B4GALT1: variants seen among roughly 807,000 people sequenced by gnomAD.
The protein encoded by B4GALT1 is N-acetyllactosamine synthase.
In B4GALT1, 16 loss-of-function variants were observed where a neutral mutation model predicts 34.9. That is an observed-to-expected ratio of 0.46 (90% CI 0.31 to 0.70). B4GALT1 has a LOEUF of 0.70. Ranked by LOEUF, B4GALT1 falls within the 30% of genes least tolerant of loss-of-function variation. The pLI is 0.05. For synonymous variants in B4GALT1, 221 were observed against 218.1 expected, an observed-to-expected ratio of 1.01 and a Z score of -0.12; for missense variants, 445 against 530.5, an observed-to-expected ratio of 0.84 and a Z score of 1.58.
chr9:33,105,848 C>T (rs1447288394), downstream of B4GALT1, among the ~76,000 whole-genome samples: 2 of 138,264 alleles, frequency 1.4e-5, no homozygotes, highest in Admixed American at 7.5e-5. Context: ...ATGTATATAC[C>T]GCCTTTTGTT....
intron 1 of B4GALT1, among the ~76,000 whole-genome samples, chr9:33,161,027 C>CTT (rs1192163866): frequency 6.6e-6 from 1 of 151,576 alleles, no homozygotes; most frequent in Non-Finnish European, 1.5e-5. Context: ...GTCATTCTCT[C>CTT]TCTCTCTCTC....
chr9:33,167,350 C>G (rs1840782378), upstream of B4GALT1: 1 of 767,148 alleles, frequency 1.3e-6, no homozygotes, highest in Non-Finnish European at 1.8e-6. Context: ...GAGAAGCCGC[C>G]CGAGGCGCCG....
intron 1 of B4GALT1, among the ~76,000 whole-genome samples, chr9:33,166,398 C>A (rs1305822762): frequency 6.6e-6 from 1 of 152,178 alleles, no homozygotes; most frequent in African/African-American, 2.4e-5. Context: ...GAGGTCCCTA[C>A]CAGAGTTCTC....
chr9:33,178,958 G>A, the B4GALT1 span: 1 of 152,250 alleles, frequency 6.6e-6, no homozygotes, highest in African/African-American at 2.4e-5. Flanking sequence ...GGTTGGCTAG[G>A]TTAGTCTATG....
chr9:33,175,388 A>T, the B4GALT1 span, among the ~76,000 whole-genome samples: 5 of 152,168 alleles, frequency 3.3e-5, no homozygotes. Context: ...GCATAAAATG[A>T]TAATAATGTA....
chr9:33,105,886 T>TTTTG (rs1839792841), downstream of B4GALT1, among the ~76,000 whole-genome samples: 2 of 147,068 alleles, frequency 1.4e-5, no homozygotes, highest in South Asian at 2.2e-4. Context: ...GTGGGTTTTT[T>TTTTG]TTTTTTTTTT....
chr9:33,141,130 G>A (rs1235730504), intron 1 of B4GALT1, among the ~76,000 whole-genome samples: 1 of 152,214 alleles, frequency 6.6e-6, no homozygotes, highest in African/African-American at 2.4e-5. Context: ...CATGTACCCA[G>A]TTAGTATGTA....
intron 2 of B4GALT1, among the ~76,000 whole-genome samples, chr9:33,131,998 G>C (rs978928717): frequency 6.6e-6 from 1 of 152,030 alleles, no homozygotes; most frequent in African/African-American, 2.4e-5. Context: ...ATTAGGGTGA[G>C]ATTGGAGCAG....
chr9:33,135,129 C>T (rs1175223723), intron 2 of B4GALT1, 60 bp downstream of exon 2: 12 of 1,502,990 alleles, frequency 8.0e-6, no homozygotes, highest in Non-Finnish European at 1.1e-5. Context: ...ATTACACACA[C>T]ATCTGATACA....
At chr9:33,148,577 A>T (rs1840462606) in intron 1 of B4GALT1, among the ~76,000 whole-genome samples, 1 of 152,250 alleles carries the variant, frequency 6.6e-6, no homozygotes, top group Non-Finnish European at 1.5e-5. Context: ...ACTGGGATGG[A>T]TGACAATCAT....
chr9:33,129,794 C>T (rs1164491991), intron 2 of B4GALT1, among the ~76,000 whole-genome samples: 1 of 152,036 alleles, frequency 6.6e-6, no homozygotes, highest in African/African-American at 2.4e-5. Flanking sequence ...TAAAAGATAG[C>T]CAGAGACACA....
chr9:33,108,689 T>C (rs528105133), downstream of B4GALT1: 33 of 152,296 alleles, frequency 2.2e-4, 1 homozygote, highest in African/African-American at 7.7e-4. Context: ...TGTGTGGATA[T>C]GTGTCTCAGT....
At chr9:33,145,649 C>CA (rs80288371) in intron 1 of B4GALT1, among the ~76,000 whole-genome samples, 56,623 of 152,014 alleles carry the variant, frequency 0.37, 11,185 homozygotes, top group East Asian at 0.71. Context: ...TACAGGAAGA[C>CA]AGACTTCCTC....
intron 3 of B4GALT1, among the ~76,000 whole-genome samples, chr9:33,117,367 C>T (rs901287866): frequency 1.3e-5 from 2 of 152,204 alleles, no homozygotes; most frequent in Non-Finnish European, 2.9e-5. Flanking sequence ...GGCTCTCATC[C>T]TTCCAAAACT....
At chr9:33,176,316 G>A in the B4GALT1 span, among the ~76,000 whole-genome samples, 1 of 152,150 alleles carries the variant, frequency 6.6e-6, no homozygotes, top group South Asian at 2.1e-4. Context: ...TACAATTCTT[G>A]TAGGGGAAAA....
At chr9:33,179,495 T>A in the B4GALT1 span, 1 of 152,242 alleles carries the variant, frequency 6.6e-6, no homozygotes, top group African/African-American at 2.4e-5. Context: ...GAGCTCGCTA[T>A]GTCATGAGGC....
intron 2 of B4GALT1, among the ~76,000 whole-genome samples, chr9:33,122,967 A>C (rs2118069697): frequency 6.6e-6 from 1 of 152,240 alleles, no homozygotes; most frequent in East Asian, 1.9e-4. Flanking sequence ...AACATGGTGA[A>C]ACCCCATCTC....
Position 33,158,703 on chromosome 9 carries a change from G to A in B4GALT1, c.412+8055C>T, listed in dbSNP as rs116812642. 6.6e-3 allele frequency among the ~76,000 whole-genome samples: 1,002 copies of A among 152,178 alleles called. 7 individuals are homozygous for A. The highest frequency in any genetic ancestry group is 0.023 in the African/African-American group (944 of 41,508). ...GTCCTTCATTCTGACTCTGGCCCTG[G>A]CCCAGACCACCCATTTGGCTCCCTG... On this transcript the variant is annotated intron_variant, in intron 1 of 5. Coordinates refer to ENST00000379731, the MANE Select transcript of B4GALT1 (RefSeq NM_001497.4).
At position 33,113,833 on chromosome 9, in the gene B4GALT1, G is replaced by A. The variant is rs765437504; in HGVS notation, c.1005C>T (p.Val335=). 79 of 1,613,988 alleles carry A rather than the reference G, an allele frequency of 4.9e-5. No homozygotes were observed. The highest frequency in any genetic ancestry group is 9.9e-5 in the South Asian group (9 of 91,060). Residue 335 remains valine (V), a synonymous_variant, in exon 5 of 6, where the codon GTC becomes GTT. Transcript: ENST00000379731. The part of the protein sequence containing the change: ...GMSISRPNAV[V]GRCRMIRHSR... ...AGTGGCGGATCATGCGACACCTCCC[G>A]ACCACAGCATTTGGGCGAGATATAG...
Sources: allele counts gnomAD v4.1 joint callset (sites outside exome capture counted in the v4.1 genomes callset), GRCh38; gene constraint gnomAD v4.1.1; transcripts MANE v1.5; gene names NCBI Gene and HGNC (gene_info 2026-07-23, HGNC 2026-07-21).